Variants in PTPRD observed in about 807,000 individuals in gnomAD.
The protein encoded by PTPRD is protein tyrosine phosphatase receptor type D.
Under a neutral mutation model 214.5 loss-of-function variants are expected in PTPRD, and 34 were observed. The observed-to-expected ratio is 0.16, with a 90% confidence interval of 0.12 to 0.21. The LOEUF is 0.21. Among genes scored for constraint, PTPRD ranks in the 10% least tolerant of loss-of-function variants. The pLI is 1.00. For missense variants in PTPRD, 2,545 were observed against 2,398.7 expected (o/e 1.06, Z -1.27); for synonymous variants, 1,128 against 845.7 (o/e 1.33, Z -5.79).
At chr9:8,451,748 G>A (rs529899959) in intron 33 of PTPRD, 2 of 323,022 alleles carry the variant, frequency 6.2e-6, no homozygotes, top group Non-Finnish European at 6.1e-6. Flanking sequence ...GCATAAGTTG[G>A]CAAGGATGCA....
intron 4 of PTPRD, among the ~76,000 whole-genome samples, chr9:9,959,586 CT>C (rs2094204489): frequency 6.6e-6 from 1 of 152,118 alleles, no homozygotes; most frequent in Admixed American, 6.6e-5. Context: ...AAAAACCTCA[CT>C]GAAGAGAATG....
chr9:8,894,354 T>TAAAAAAAAAAAAAAAAAAAAAGTCTG (rs2098582505), intron 11 of PTPRD, among the ~76,000 whole-genome samples: 4 of 36,030 alleles, frequency 1.1e-4, no homozygotes, highest in Non-Finnish European at 1.7e-4. Flanking sequence ...AGACTCCATC[T>TAAAAAAAAAAAAAAAAAAAAAGTCTG]CAAAAAAAAA....
At chr9:10,433,965 A>G (rs1234844932) in intron 2 of PTPRD, among the ~76,000 whole-genome samples, 1 of 151,884 alleles carries the variant, frequency 6.6e-6, no homozygotes, top group East Asian at 1.9e-4. Flanking sequence ...ATAAACAAAA[A>G]GTGTTATTAA....
chr9:9,998,510 C>T (rs2096225719), intron 4 of PTPRD, among the ~76,000 whole-genome samples: 2 of 151,828 alleles, frequency 1.3e-5, no homozygotes, highest in South Asian at 2.1e-4. Context: ...TTTTTCTCAA[C>T]CTTAGTTGAC....
chr9:10,550,598 C>T (rs757354973), intron 2 of PTPRD, among the ~76,000 whole-genome samples: 13 of 152,162 alleles, frequency 8.5e-5, no homozygotes, highest in Non-Finnish European at 1.6e-4. Flanking sequence ...AAATTAGACT[C>T]ATTTCACCCA....
chr9:9,379,831 T>A (rs1184118294), intron 9 of PTPRD, among the ~76,000 whole-genome samples: 1 of 152,060 alleles, frequency 6.6e-6, no homozygotes, highest in Non-Finnish European at 1.5e-5. Flanking sequence ...AAATTCCACT[T>A]GTTCATTGTT....
At chr9:10,037,233 C>G (rs551931661) in intron 3 of PTPRD, among the ~76,000 whole-genome samples, 2 of 151,980 alleles carry the variant, frequency 1.3e-5, no homozygotes. Context: ...TTGTCCCCAC[C>G]CAAATCTCAT....
chr9:9,164,755 G>C (rs2099898381), intron 10 of PTPRD, among the ~76,000 whole-genome samples: 1 of 152,052 alleles, frequency 6.6e-6, no homozygotes, highest in Non-Finnish European at 1.5e-5. Flanking sequence ...CCTCATGCCA[G>C]TAATCCCAGC....
intron 5 of PTPRD, among the ~76,000 whole-genome samples, chr9:9,894,888 T>C (rs1166702712): frequency 6.6e-6 from 1 of 152,030 alleles, no homozygotes; most frequent in East Asian, 1.9e-4. Flanking sequence ...TGATTTTAAC[T>C]GTAAGAACAA....
intron 2 of PTPRD, among the ~76,000 whole-genome samples, chr9:10,360,811 T>C (rs1293016162): frequency 6.6e-6 from 1 of 152,040 alleles, no homozygotes; most frequent in Non-Finnish European, 1.5e-5. Flanking sequence ...CCTGTAAAAT[T>C]TGTCATTAAG....
At chr9:9,047,882 G>A (rs1021433927) in intron 10 of PTPRD, among the ~76,000 whole-genome samples, 1 of 152,042 alleles carries the variant, frequency 6.6e-6, no homozygotes, top group Admixed American at 6.6e-5. Context: ...GGACAAATTG[G>A]ATCACCTCAG....
At chr9:10,071,073 G>A (rs561812162) in intron 3 of PTPRD, among the ~76,000 whole-genome samples, 3 of 152,116 alleles carry the variant, frequency 2.0e-5, no homozygotes, top group South Asian at 4.1e-4. Flanking sequence ...TACAGAATCT[G>A]TATGTGAAAA....
chr9:10,298,228 G>A (rs1206322849), intron 3 of PTPRD, among the ~76,000 whole-genome samples: 2 of 152,106 alleles, frequency 1.3e-5, no homozygotes, highest in Non-Finnish European at 2.9e-5. Context: ...GGCAGGGAAT[G>A]TAACTGCTTG....
rs188266314 is a variant in PTPRD at position 9,856,173 on chromosome 9, T to C, written c.-368+82334A>G. 1.7e-3 allele frequency among the ~76,000 whole-genome samples: 262 copies of C among 152,200 alleles called. 6 individuals carry two copies. The highest frequency in any genetic ancestry group is 0.015 in the Admixed American group (231 of 15,290). ...TCTCTGAAGTTGCACCGTCAAGCTG[T>C]CCCTCTGAAGTCAAGCCGCTTCTGA... On this transcript the variant is annotated intron_variant, in intron 5 of 45. Transcript: ENST00000381196.
intron 8 of PTPRD, among the ~76,000 whole-genome samples, chr9:9,537,791 A>G (rs967801733): frequency 2.6e-5 from 4 of 151,922 alleles, no homozygotes; most frequent in Non-Finnish European, 4.4e-5. Context: ...CACAGATACC[A>G]CCCATTATAT....
chr9:9,859,856 G>A (rs2062342161), intron 5 of PTPRD, among the ~76,000 whole-genome samples: 1 of 152,122 alleles, frequency 6.6e-6, no homozygotes. Context: ...CTTGTGCCAT[G>A]TACCGTTTTC....
intron 6 of PTPRD, among the ~76,000 whole-genome samples, chr9:9,747,914 C>G (rs1049874370): frequency 1.3e-5 from 2 of 152,140 alleles, no homozygotes; most frequent in Non-Finnish European, 2.9e-5. Context: ...TTCAAAAACA[C>G]TCTTTGAGAA....
At chr9:8,839,843 A>G (rs560764389) in intron 11 of PTPRD, among the ~76,000 whole-genome samples, 1 of 152,334 alleles carries the variant, frequency 6.6e-6, no homozygotes, top group South Asian at 2.1e-4. Flanking sequence ...AATATTCGGC[A>G]GCCATTAAAA....
chr9:9,830,484 T>C (rs1254153939), intron 5 of PTPRD, among the ~76,000 whole-genome samples: 3 of 151,880 alleles, frequency 2.0e-5, no homozygotes, highest in East Asian at 3.9e-4. Flanking sequence ...ATTTACCTTG[T>C]TTTCATGACT....
Sources: allele counts gnomAD v4.1 joint callset (sites outside exome capture counted in the v4.1 genomes callset), GRCh38; gene constraint gnomAD v4.1.1; transcripts MANE v1.5; gene names NCBI Gene and HGNC (gene_info 2026-07-23, HGNC 2026-07-21).